NRXN3: variants seen among roughly 807,000 people sequenced by gnomAD.
NRXN3 encodes the protein neurexin 3, also known as neurexin III.
Under a neutral mutation model 137.6 loss-of-function variants are expected in NRXN3, and 32 were observed. The ratio of observed to expected loss-of-function variants is 0.23; its 90% CI spans 0.18 to 0.31. NRXN3 has a LOEUF of 0.31. Among genes scored for constraint, NRXN3 ranks in the 10% least tolerant of loss-of-function variants. NRXN3 has a pLI of 1.00. For synonymous variants in NRXN3, 798 were observed against 784.5 expected (o/e 1.02, Z -0.29); for missense variants, 1,574 against 2,062.5 (o/e 0.76, Z 4.59).
chr14:78,633,318 C>G (rs894459910), intron 4 of NRXN3, among the ~76,000 whole-genome samples: 15 of 147,650 alleles, frequency 1.0e-4, no homozygotes, highest in African/African-American at 3.0e-4. Flanking sequence ...GAAATAAATA[C>G]TTTCTTCTAG....
intron 4 of NRXN3, among the ~76,000 whole-genome samples, chr14:78,358,547 T>G (rs984640595): frequency 6.6e-6 from 1 of 152,190 alleles, no homozygotes; most frequent in Non-Finnish European, 1.5e-5. Context: ...CTCCAATGCA[T>G]GTTGAGTCTA....
At chr14:78,662,317 A>C (rs2097848353) in intron 6 of NRXN3, among the ~76,000 whole-genome samples, 1 of 152,054 alleles carries the variant, frequency 6.6e-6, no homozygotes, top group African/African-American at 2.4e-5. Context: ...AGGGTCATTT[A>C]ACCTGAGAAA....
chr14:79,248,249 C>T (rs1390083453), intron 15 of NRXN3, among the ~76,000 whole-genome samples: 1 of 152,152 alleles, frequency 6.6e-6, no homozygotes, highest in East Asian at 1.9e-4. Context: ...TTCATCTGCT[C>T]TCCCTTCCTT....
At chr14:79,071,364 C>T (rs188813402) in intron 15 of NRXN3, among the ~76,000 whole-genome samples, 46 of 152,256 alleles carry the variant, frequency 3.0e-4, no homozygotes, top group African/African-American at 1.0e-3. Flanking sequence ...GGTATTTCTC[C>T]TAATGCTATC....
At chr14:79,227,071 G>T (rs2071044766) in intron 15 of NRXN3, among the ~76,000 whole-genome samples, 1 of 151,908 alleles carries the variant, frequency 6.6e-6, no homozygotes. Flanking sequence ...GCCAGCCTAG[G>T]CCTCCCAAAG....
At chr14:78,735,026 A>G (rs2098535217) in intron 8 of NRXN3, among the ~76,000 whole-genome samples, 2 of 152,234 alleles carry the variant, frequency 1.3e-5, no homozygotes, top group Admixed American at 6.5e-5. Context: ...TTGGAGAAGC[A>G]TAAGAATAGA....
chr14:79,775,013 A>G (rs139648300), intron 19 of NRXN3, among the ~76,000 whole-genome samples: 3 of 152,172 alleles, frequency 2.0e-5, no homozygotes, highest in African/African-American at 7.2e-5. Context: ...TGAAATTGTT[A>G]AATGGAATGG....
At chr14:78,953,033 T>C (rs755118065) in intron 10 of NRXN3, among the ~76,000 whole-genome samples, 3 of 152,194 alleles carry the variant, frequency 2.0e-5, no homozygotes, top group Non-Finnish European at 2.9e-5. Context: ...AGGGGTAACT[T>C]GTAGTCTTGC....
At chr14:79,826,490 A>AT (rs1237018388) in intron 20 of NRXN3, among the ~76,000 whole-genome samples, 1 of 152,150 alleles carries the variant, frequency 6.6e-6, no homozygotes, top group Non-Finnish European at 1.5e-5. Context: ...TACAAAACAT[A>AT]TTTATGTAGA....
intron 4 of NRXN3, among the ~76,000 whole-genome samples, chr14:78,553,391 AC>A (rs2096710481): frequency 1.3e-5 from 2 of 151,958 alleles, no homozygotes. Flanking sequence ...TTGTTGGTGA[AC>A]CCTGCTACAG....
At chr14:78,475,209 T>G (rs1224643634) in intron 4 of NRXN3, among the ~76,000 whole-genome samples, 1 of 124,270 alleles carries the variant, frequency 8.0e-6, no homozygotes, top group Non-Finnish European at 1.7e-5. Flanking sequence ...AAGCATTTTA[T>G]TAGCATTATC....
At chr14:78,934,661 G>A (rs2099330509) in intron 10 of NRXN3, among the ~76,000 whole-genome samples, 1 of 151,990 alleles carries the variant, frequency 6.6e-6, no homozygotes, top group African/African-American at 2.4e-5. Flanking sequence ...TCCTTTGTAG[G>A]GACATGGATG....
intron 16 of NRXN3, among the ~76,000 whole-genome samples, chr14:79,479,525 T>C (rs1465671461): frequency 2.0e-5 from 3 of 151,816 alleles, no homozygotes; most frequent in Non-Finnish European, 2.9e-5. Flanking sequence ...TTCAATATAA[T>C]ATAATATATA....
intron 4 of NRXN3, among the ~76,000 whole-genome samples, chr14:78,635,111 A>G (rs995025880): frequency 2.0e-5 from 3 of 152,180 alleles, no homozygotes; most frequent in Non-Finnish European, 4.4e-5. Flanking sequence ...CTAGATACTT[A>G]AAGGTGGGGA....
intron 15 of NRXN3, among the ~76,000 whole-genome samples, chr14:79,113,739 T>C (rs1193351554): frequency 6.6e-6 from 1 of 152,216 alleles, no homozygotes; most frequent in African/African-American, 2.4e-5. Flanking sequence ...TGTGTACTTA[T>C]CTTTGACTTC....
intron 19 of NRXN3, among the ~76,000 whole-genome samples, chr14:79,721,388 CA>C (rs2154064088): frequency 6.6e-6 from 1 of 152,132 alleles, no homozygotes; most frequent in Admixed American, 6.5e-5. Context: ...TCAAGAGGTA[CA>C]ATGTTATTTT....
chr14:79,012,793 A>G (rs1314744055), intron 15 of NRXN3, among the ~76,000 whole-genome samples: 6 of 152,178 alleles, frequency 3.9e-5, no homozygotes, highest in Non-Finnish European at 7.3e-5. Context: ...GGAAGTGATT[A>G]TACAATAGCA....
intron 16 of NRXN3, among the ~76,000 whole-genome samples, chr14:79,509,323 TG>T (rs1169167173): frequency 6.0e-4 from 92 of 152,150 alleles, no homozygotes; most frequent in African/African-American, 2.1e-3. Context: ...CTTGCCAATA[TG>T]GTGAAACCAT....
At chr14:78,317,465 T>A (rs547731927) in intron 4 of NRXN3, among the ~76,000 whole-genome samples, 3 of 152,224 alleles carry the variant, frequency 2.0e-5, no homozygotes, top group Non-Finnish European at 2.9e-5. Context: ...AGAATCTGAC[T>A]AATGCCTGAT....
Sources: gnomAD v4.1 joint callset for allele counts (sites outside exome capture counted in the v4.1 genomes callset) on GRCh38, gnomAD v4.1.1 for gene constraint, MANE v1.5 for transcripts, NCBI Gene and HGNC (gene_info 2026-07-23, HGNC 2026-07-21) for gene names.